The following CYP39A1 variants were observed in gnomAD, a reference collection of about 807,000 sequenced individuals.
The protein encoded by CYP39A1 is cytochrome P450 family 39 subfamily A member 1, also known as 24-hydroxycholesterol 7-alpha-hydroxylase.
Under a neutral mutation model 58.1 loss-of-function variants are expected in CYP39A1, and 49 were observed. That is an observed-to-expected ratio of 0.84 (90% confidence interval 0.67 to 1.07). The LOEUF (loss-of-function observed/expected upper bound fraction) is 1.07, where lower values mean the gene tolerates loss of function less well. CYP39A1 is among the 50% of genes least tolerant of loss of function. CYP39A1 has a pLI of 0.00. For missense variants in CYP39A1, 531 were observed against 539.4 expected (o/e 0.98, Z 0.16); for synonymous variants, 209 against 187.6 (o/e 1.11, Z -0.93).
intron 10 of CYP39A1, chr6:46,583,002 T>C (rs1448823773): frequency 1.1e-6 from 1 of 936,630 alleles, no homozygotes; most frequent in African/African-American, 1.8e-5. Flanking sequence ...TTTTAATTAA[T>C]TTTCCAATAG....
chr6:46,626,872 G>A (rs1775340726), intron 6 of CYP39A1, among the ~76,000 whole-genome samples: 1 of 152,132 alleles, frequency 6.6e-6, no homozygotes, highest in Middle Eastern at 3.2e-3. Flanking sequence ...AAGAGTCAGA[G>A]TTCATGTTGG....
rs529206851 is a variant in CYP39A1 at position 46,567,381 on chromosome 6, T to C, written c.1251-13527A>G. ...TTTTTATCCATTTATCAATCAACAC[T>C]TTGGTTGTTTTAATATTTTGGCTAT... On this transcript the variant is annotated intron_variant, in intron 10 of 11. Transcript: ENST00000275016. Among the ~76,000 whole-genome samples, 71 of 152,132 alleles carry C rather than the reference T, an allele frequency of 4.7e-4. 1 individual carries two copies. Among genetic ancestry groups the C allele is most frequent in the Non-Finnish European group, 8.5e-4 (58 of 68,014 alleles).
intron 7 of CYP39A1, among the ~76,000 whole-genome samples, chr6:46,613,206 A>T (rs140801266): frequency 5.5e-4 from 84 of 152,332 alleles, no homozygotes; most frequent in African/African-American, 1.9e-3. Context: ...ACCAGTGTAT[A>T]ACGTGTAGCT....
In CYP39A1 at chr6:46,589,390, G is replaced by A. The variant is rs548635184; in HGVS notation, c.1066-1261C>T. Among the ~76,000 whole-genome samples, 26 of 152,136 alleles carry A rather than the reference G, an allele frequency of 1.7e-4. No homozygotes were observed. In the East Asian group the frequency reaches 5.0e-3, roughly 29 times the overall value. ...ATTGCTTGAGCCCAGGAGGTTGAGG[G>A]TACAGTGAGCTATGATTGTGCCACT... On this transcript the variant is annotated intron_variant, in intron 8 of 11. Coordinates refer to ENST00000275016, the MANE Select transcript of CYP39A1 (RefSeq NM_016593.5).
chr6:46,624,122 T>C (rs1402946540), intron 7 of CYP39A1, among the ~76,000 whole-genome samples: 1 of 152,212 alleles, frequency 6.6e-6, no homozygotes, highest in Non-Finnish European at 1.5e-5. Flanking sequence ...AGATTAATGT[T>C]ACACTTCTGT....
Position 46,652,813 on chromosome 6 carries a change from A to C in CYP39A1, c.-231T>G. ...CTTTGAATCTCAGCCAGCGCGGAAA[A>C]AATGCAAGGAGGGGCAGGGCCGGGC... On this transcript the variant is annotated 5_prime_UTR_variant, in exon 1 of 12. Coordinates refer to ENST00000275016, the MANE Select transcript of CYP39A1 (RefSeq NM_016593.5). 2.0e-6 allele frequency: 1 copy of C among 496,176 alleles called. No individual in the cohort carries two copies. The highest frequency in any genetic ancestry group is 3.5e-6 in the Non-Finnish European group (1 of 285,648). 30.7% of individuals were successfully genotyped at this position (496,176 alleles called of 1,614,324 possible). A position where few individuals can be genotyped will look rare whatever the true frequency, so the allele number is the denominator to read the frequency against.
At chr6:46,626,949 G>A (rs1399537252) in intron 6 of CYP39A1, among the ~76,000 whole-genome samples, 4 of 152,144 alleles carry the variant, frequency 2.6e-5, no homozygotes, top group Non-Finnish European at 5.9e-5. Flanking sequence ...AGAATTCCCT[G>A]AGACTGGGTA....
intron 10 of CYP39A1, among the ~76,000 whole-genome samples, chr6:46,570,536 A>C (rs1378329882): frequency 6.6e-6 from 1 of 152,252 alleles, no homozygotes; most frequent in East Asian, 1.9e-4. Flanking sequence ...GTGTTCGTTC[A>C]TTTGTGTTGC....
At chr6:46,648,353 T>A (rs1762457864) in intron 1 of CYP39A1, among the ~76,000 whole-genome samples, 1 of 151,890 alleles carries the variant, frequency 6.6e-6, no homozygotes, top group Admixed American at 6.6e-5. Context: ...TGAGTTCATG[T>A]CCTTTGTAAG....
At chr6:46,584,614 G>T (rs1469451480) in intron 10 of CYP39A1, among the ~76,000 whole-genome samples, 1 of 152,140 alleles carries the variant, frequency 6.6e-6, no homozygotes, top group East Asian at 1.9e-4. Context: ...CATGTGAGCT[G>T]CATACAAACT....
Position 46,637,903 on chromosome 6 carries a change from CT to C in CYP39A1, c.563del (p.Lys188ArgfsTer25). 1.9e-6 allele frequency: 3 copies of C among 1,612,998 alleles called. No homozygotes were observed. The highest frequency in any genetic ancestry group is 1.7e-6 in the Non-Finnish European group (2 of 1,179,736). On this transcript the variant is annotated frameshift_variant, in exon 4 of 12. Transcript: ENST00000275016. LOFTEE classifies it high-confidence loss of function. ...SLFSTNKKKI[K>X]EFHQYFQVYD... The stretch of plus-strand genomic sequence containing the variant: ...AAACTTGAAAATACTGATGGAACTC[CT>C]TGATTTTTTTCTTGTTTGTGGAAAA...
chr6:46,639,650 A>T lies in CYP39A1; in HGVS notation c.332T>A (p.Val111Asp). 2 of 1,612,236 alleles carry T rather than the reference A, an allele frequency of 1.2e-6. No individual in the cohort carries two copies. Among genetic ancestry groups the T allele is most frequent in the Non-Finnish European group, 8.5e-7 (1 of 1,179,418 alleles). Residue 111 changes from valine to aspartate, a missense_variant, in exon 3 of 12, where the codon GTC becomes GAC. Physicochemically the swap from Val to Asp is radical, Grantham distance 152 (BLOSUM62 -3). Coordinates refer to ENST00000275016, the MANE Select transcript of CYP39A1 (RefSeq NM_016593.5). ...VYRTASIPKNVFLALHEKLYI... is the reference protein window; with the variant it reads ...VYRTASIPKNDFLALHEKLYI... ...GAGTTTTTCATGCAGTGCTAAAAAG[A>T]CATTCTTTGGAATTGATGCTATGAA...
Position 46,636,459 on chromosome 6 carries a change from C to A in CYP39A1, c.662G>T (p.Trp221Leu). 6.2e-7 allele frequency: 1 copy of A among 1,607,434 alleles called. No homozygotes were observed. Among genetic ancestry groups the A allele is most frequent in the Middle Eastern group, 1.9e-4 (1 of 5,308 alleles). ...GTTTTTCTCAAACAGTTCCAGGAAC[C>A]ACTTTTTGGATTTTGACCAGTTTCT... ...LLRNWSKSKK[W>L]FLELFEKNIP... Residue 221 changes from tryptophan to leucine, a missense_variant, in exon 5 of 12, where the codon TGG becomes TTG. Transcript: ENST00000275016.
At chr6:46,642,090 G>A in intron 2 of CYP39A1, 73 bp downstream of exon 2, 2 of 1,481,398 alleles carry the variant, frequency 1.4e-6, no homozygotes, top group Non-Finnish European at 1.9e-6. Flanking sequence ...GAATGAGGAT[G>A]TAATTTTTAC....
Position 46,652,669 on chromosome 6 carries a change from C to A in CYP39A1, c.-87G>T. The A allele has an allele frequency of 7.7e-7, 1 of 1,290,962 alleles. No individual in the cohort carries two copies. Among genetic ancestry groups the A allele is most frequent in the South Asian group, 1.7e-5 (1 of 59,796 alleles). 80.0% of individuals were successfully genotyped at this position (1,290,962 alleles called of 1,614,324 possible). A position where few individuals can be genotyped will look rare whatever the true frequency, so the allele number is the denominator to read the frequency against. ...CTTTTCTGTGGGCTACGGAACCTGT[C>A]GGGACTCCCAACCTTTCTGCTGCAA... is the stretch of plus-strand genomic sequence containing the variant. On this transcript the variant is annotated 5_prime_UTR_variant, in exon 1 of 12. Transcript: ENST00000275016.
chr6:46,633,097 T>A (rs1775758654), intron 5 of CYP39A1, among the ~76,000 whole-genome samples: 6 of 152,176 alleles, frequency 3.9e-5, no homozygotes, highest in Admixed American at 3.3e-4. Context: ...AATAAGAAAT[T>A]ACTTGTGAAA....
chr6:46,606,676 T>C (rs373084299), intron 7 of CYP39A1, among the ~76,000 whole-genome samples: 8 of 152,310 alleles, frequency 5.3e-5, no homozygotes, highest in East Asian at 3.9e-4. Flanking sequence ...CCTTAGGATG[T>C]TGAAAATCAA....
At chr6:46,639,697 T>C in intron 2 of CYP39A1, 29 bp from the exon 3 acceptor site, 1 of 1,578,746 alleles carries the variant, frequency 6.3e-7, no homozygotes, top group Non-Finnish European at 8.7e-7. Flanking sequence ...ATTTTCAAAA[T>C]AAGCAACAAC....
intron 6 of CYP39A1, among the ~76,000 whole-genome samples, chr6:46,630,507 C>G (rs749638942): frequency 3.3e-5 from 5 of 152,084 alleles, no homozygotes; most frequent in Admixed American, 6.6e-5. Context: ...AAATTACCAC[C>G]ATGACAGTCT....
Sources: allele counts gnomAD v4.1 joint callset (sites outside exome capture counted in the v4.1 genomes callset), GRCh38; gene constraint gnomAD v4.1.1; transcripts MANE v1.5; gene names NCBI Gene and HGNC (gene_info 2026-07-23, HGNC 2026-07-21).